ATXN10: variants seen among roughly 807,000 people sequenced by gnomAD.
ATXN10 encodes the protein ataxin 10, also known as ataxin-10.
A neutral mutation model predicts 52.9 loss-of-function variants in ATXN10; 28 were observed. The observed-to-expected ratio is 0.53, with a 90% confidence interval of 0.39 to 0.73. The LOEUF is 0.73. Among genes scored for constraint, ATXN10 ranks in the 30% least tolerant of loss-of-function variants. ATXN10 has a pLI of 0.00. For missense variants in ATXN10, 565 were observed against 577.0 expected, an observed-to-expected ratio of 0.98 and a Z score of 0.21; for synonymous variants, 226 against 221.5, an observed-to-expected ratio of 1.02 and a Z score of -0.18.
At position 45,718,017 on chromosome 22, in the gene ATXN10, A is replaced by G. The variant is rs1601604378; in HGVS notation, c.648-396A>G. ...TCAAGCCAGTAATGGAAGTGTGACA[A>G]GTCTTTCTCTGGTTCATTATAGCAG... is the stretch of plus-strand genomic sequence containing the variant. On this transcript the variant is annotated intron_variant, in intron 5 of 11. Transcript: ENST00000252934. The surrounding 1 kb of genome is among the most constrained non-coding windows in gnomAD (Gnocchi z 4.4). Among the ~76,000 whole-genome samples the G allele has an allele frequency of 6.6e-6, 1 of 152,176 alleles. No individual in the cohort carries two copies. Among genetic ancestry groups the G allele is most frequent in the Non-Finnish European group, 1.5e-5 (1 of 68,028 alleles).
At chr22:45,679,650 G>A (rs573921979) in intron 1 of ATXN10, 31 of 152,336 alleles carry the variant, frequency 2.0e-4, no homozygotes, top group African/African-American at 6.7e-4. Context: ...GGCTGAGGAC[G>A]CCATATGGCG....
In ATXN10 at chr22:45,701,676, A is replaced by G. The variant is rs1923849059; in HGVS notation, c.489-1013A>G. ...TATCTGCCAGGTTTTGGGATAGATG[A>G]TTAGAATGTGGTGGTAACTTATATA... On this transcript the variant is annotated intron_variant, in intron 4 of 11. Transcript: ENST00000252934. The surrounding 1 kb of genome is among the most constrained non-coding windows in gnomAD (Gnocchi z 4.2). Among the ~76,000 whole-genome samples the G allele has an allele frequency of 6.6e-6, 1 of 152,210 alleles. No homozygotes were observed. The highest frequency in any genetic ancestry group is 1.5e-5 in the Non-Finnish European group (1 of 68,036).
chr22:45,843,750 G>A lies in ATXN10; in HGVS notation c.*79G>A, dbSNP rs1348967238. The A allele has an allele frequency of 4.3e-6, 6 of 1,399,984 alleles. No homozygotes were observed. Among genetic ancestry groups the A allele is most frequent in the Non-Finnish European group, 6.0e-6 (6 of 994,152 alleles). The allele number at this position is 1,399,984 out of a possible 1,614,324, so 86.7% of individuals were successfully genotyped here. ...TCTTCTACCGTATGTGAAATTGCAA[G>A]TGTTTGAAGATTTATAAGTACAAAT... On this transcript the variant is annotated 3_prime_UTR_variant, in exon 12 of 12. Transcript: ENST00000252934. The surrounding 1 kb of genome is among the most constrained non-coding windows in gnomAD (Gnocchi z 4.5).
At chr22:45,817,933 A>G (rs2146896721) in intron 10 of ATXN10, among the ~76,000 whole-genome samples, 1 of 152,168 alleles carries the variant, frequency 6.6e-6, no homozygotes. Flanking sequence ...AGTGAGGGGG[A>G]CCTGCTTTAG....
chr22:45,694,141 G>A (rs1315833192), intron 3 of ATXN10, among the ~76,000 whole-genome samples: 3 of 151,986 alleles, frequency 2.0e-5, no homozygotes, highest in Non-Finnish European at 4.4e-5. Flanking sequence ...GATTGTTAAC[G>A]GTTGTTGACT....
At chr22:45,730,865 G>C (rs1209996038) in intron 7 of ATXN10, among the ~76,000 whole-genome samples, 1 of 152,160 alleles carries the variant, frequency 6.6e-6, no homozygotes, top group East Asian at 1.9e-4. Flanking sequence ...TATGTATAAG[G>C]ATATCACATG....
chr22:45,698,385 G>A (rs982207593), intron 3 of ATXN10, among the ~76,000 whole-genome samples: 8 of 152,116 alleles, frequency 5.3e-5, no homozygotes, highest in African/African-American at 9.7e-5. Context: ...AAATGATCAC[G>A]TACTTATTGG....
chr22:45,725,848 C>G (rs1924848118), intron 6 of ATXN10, among the ~76,000 whole-genome samples: 1 of 151,698 alleles, frequency 6.6e-6, no homozygotes, highest in Admixed American at 6.6e-5. Context: ...CCTTCTATGC[C>G]CAGATTTTTA....
At chr22:45,760,564 T>C (rs1024224929) in intron 9 of ATXN10, 1 of 153,942 alleles carries the variant, frequency 6.5e-6, no homozygotes, top group Non-Finnish European at 1.5e-5. Flanking sequence ...GATCAGAAGC[T>C]AGGAAGGCTT....
chr22:45,738,860 T>G (rs758968009), intron 8 of ATXN10, 21 bp downstream of exon 8: 7 of 1,580,182 alleles, frequency 4.4e-6, no homozygotes, highest in Non-Finnish European at 6.1e-6. Context: ...TATCACACAT[T>G]GTATTTTTAG....
In ATXN10 at chr22:45,837,353, G is replaced by A. The variant is rs972132276; in HGVS notation, c.1238-5638G>A. ...CGGCTCACTGCAGCCTCTGCCTCCC[G>A]GGTTTAAGCGATTTCTCCTGCCTCA... On this transcript the variant is annotated intron_variant, in intron 10 of 11. Transcript: ENST00000252934. This position sits in a 1 kb window ranked among gnomAD's most constrained non-coding sequence, Gnocchi z 5.8. Among the ~76,000 whole-genome samples the A allele has an allele frequency of 1.3e-5, 2 of 152,084 alleles. No individual in the cohort carries two copies. Among genetic ancestry groups the A allele is most frequent in the African/African-American group, 4.8e-5 (2 of 41,414 alleles).
chr22:45,680,480 T>C (rs1922876694), intron 1 of ATXN10, among the ~76,000 whole-genome samples: 1 of 152,172 alleles, frequency 6.6e-6, no homozygotes, highest in African/African-American at 2.4e-5. Context: ...ATTTTCTAAG[T>C]TATATGAGAA....
Position 45,784,999 on chromosome 22 carries a change from C to T in ATXN10, c.1174-21960C>T, listed in dbSNP as rs1161787586. Among the ~76,000 whole-genome samples, 1 of 152,150 alleles carries T rather than the reference C, an allele frequency of 6.6e-6. No homozygotes were observed. The highest frequency in any genetic ancestry group is 2.4e-5 in the African/African-American group (1 of 41,420). On this transcript the variant is annotated intron_variant, in intron 9 of 11. Coordinates refer to ENST00000252934, the MANE Select transcript of ATXN10 (RefSeq NM_013236.4). This position sits in a 1 kb window ranked among gnomAD's most constrained non-coding sequence, Gnocchi z 4.2. ...TGATGCATTATGGGTGGGGATTGCA[C>T]CCCAAGTAGCAGAGGCAGAATGCAT...
chr22:45,712,175 C>G lies in ATXN10; in HGVS notation c.648-6238C>G, dbSNP rs1454636209. ...GTTAGGGTGTGCAGTCAGGTGACCT[C>G]CCCTGGGGGCACAGGCTGTCAGGTT... On this transcript the variant is annotated intron_variant, in intron 5 of 11. Transcript: ENST00000252934. The surrounding 1 kb of genome is among the most constrained non-coding windows in gnomAD (Gnocchi z 4.6). Among the ~76,000 whole-genome samples the G allele has an allele frequency of 1.3e-5, 2 of 152,142 alleles. No individual in the cohort carries two copies.
At chr22:45,687,778 C>T (rs538300226) in intron 1 of ATXN10, among the ~76,000 whole-genome samples, 3 of 152,212 alleles carry the variant, frequency 2.0e-5, no homozygotes, top group South Asian at 2.1e-4. Context: ...GTTAGTGAAT[C>T]GGCCAGGTGC....
intron 7 of ATXN10, among the ~76,000 whole-genome samples, chr22:45,737,802 G>A (rs913774169): frequency 2.0e-5 from 3 of 148,844 alleles, no homozygotes; most frequent in Admixed American, 1.4e-4. Flanking sequence ...AGGTTGAAAC[G>A]ATTCTACTGC....
rs929208533 is a variant in ATXN10 at position 45,784,627 on chromosome 22, G to C, written c.1174-22332G>C. Among the ~76,000 whole-genome samples, 1 of 152,060 alleles carries C rather than the reference G, an allele frequency of 6.6e-6. No homozygotes were observed. The highest frequency in any genetic ancestry group is 2.4e-5 in the African/African-American group (1 of 41,400). On this transcript the variant is annotated intron_variant, in intron 9 of 11. Transcript: ENST00000252934. The surrounding 1 kb of genome is among the most constrained non-coding windows in gnomAD (Gnocchi z 4.2). ...CAGGAGGCTGGCTTCCTGTGGGCTC[G>C]CCTGTCGACCCCCTCCCTGTGCCCA...
In ATXN10 at chr22:45,693,053, A is replaced by G; in HGVS notation, c.366A>G (p.Arg122=). The change falls in exon 3 of 12, where the codon CGA becomes CGG. Residue 122 remains arginine (R), a synonymous_variant. Transcript: ENST00000252934. ...VDLILLFREL[R]VEQESLLTAF... The stretch of plus-strand genomic sequence containing the variant: ...TGATTCTTCTGTTTCGTGAACTGCG[A>G]GTGGAACAGGAATCTCTGTTGACAG... 6.2e-7 allele frequency: 1 copy of G among 1,614,074 alleles called. No homozygotes were observed. The highest frequency in any genetic ancestry group is 8.5e-7 in the Non-Finnish European group (1 of 1,179,928).
In ATXN10 at chr22:45,837,321, G is replaced by A. The variant is rs113048585; in HGVS notation, c.1238-5670G>A. On this transcript the variant is annotated intron_variant, in intron 10 of 11. Transcript: ENST00000252934. This position sits in a 1 kb window ranked among gnomAD's most constrained non-coding sequence, Gnocchi z 5.8. Reference sequence around the variant, plus strand: ...GTCGCCCAGGCTGCAGTGCAGTGGCGCAATCTCGGCTCACTGCAGCCTCTG... The same window carrying A: ...GTCGCCCAGGCTGCAGTGCAGTGGCACAATCTCGGCTCACTGCAGCCTCTG... Among the ~76,000 whole-genome samples, 1,578 of 152,192 alleles carry A rather than the reference G, an allele frequency of 0.01. 20 individuals are homozygous for A. The highest frequency in any genetic ancestry group is 0.036 in the African/African-American group (1,482 of 41,508).
Sources: gnomAD v4.1 joint callset for allele counts (sites outside exome capture counted in the v4.1 genomes callset) on GRCh38, gnomAD v4.1.1 for gene constraint, Gnocchi (gnomAD v3.1) non-coding constraint, MANE v1.5 for transcripts, NCBI Gene and HGNC (gene_info 2026-07-23, HGNC 2026-07-21) for gene names.